The following ARHGAP25 variants were observed in gnomAD, a reference collection of about 807,000 sequenced individuals.
The protein encoded by ARHGAP25 is rho GTPase-activating protein 25.
A neutral mutation model predicts 71.0 loss-of-function variants in ARHGAP25; 34 were observed. The observed-to-expected ratio is 0.48, with a 90% CI of 0.36 to 0.64. The LOEUF is 0.64. ARHGAP25 is among the 30% of genes least tolerant of loss of function. The pLI, the probability that ARHGAP25 is intolerant of heterozygous loss-of-function variation, is 0.00. For synonymous variants in ARHGAP25, 282 were observed against 296.5 expected (o/e 0.95, Z 0.50); for missense variants, 706 against 805.1 (o/e 0.88, Z 1.49).
At chr2:68,713,053 A>G (rs898194094) in intron 2 of ARHGAP25, among the ~76,000 whole-genome samples, 39 of 152,248 alleles carry the variant, frequency 2.6e-4, no homozygotes, top group African/African-American at 7.9e-4. Context: ...AAGAAAGGCA[A>G]TGGTAGCTTG....
At chr2:68,799,636 T>C (rs1278103500) in intron 4 of ARHGAP25, among the ~76,000 whole-genome samples, 3 of 152,218 alleles carry the variant, frequency 2.0e-5, no homozygotes, top group African/African-American at 7.2e-5. Context: ...AATTAGCTGC[T>C]AAGTAAAAGG....
intron 1 of ARHGAP25, among the ~76,000 whole-genome samples, chr2:68,769,646 TACGA>T (rs1677354327): frequency 1.3e-5 from 2 of 152,124 alleles, no homozygotes; most frequent in African/African-American, 2.4e-5. Flanking sequence ...CGACAAAGGC[TACGA>T]TACACAGGTG....
intron 4 of ARHGAP25, among the ~76,000 whole-genome samples, chr2:68,802,878 T>A (rs1680099369): frequency 6.6e-6 from 1 of 151,736 alleles, no homozygotes; most frequent in African/African-American, 2.4e-5. Context: ...ATAAATTATA[T>A]CTATCAATCC....
At chr2:68,752,712 T>C (rs1277121132) in intron 1 of ARHGAP25, among the ~76,000 whole-genome samples, 1 of 148,458 alleles carries the variant, frequency 6.7e-6, no homozygotes, top group Non-Finnish European at 1.5e-5. Context: ...GGAAGGCCTT[T>C]GAACTCTGTT....
chr2:68,748,357 C>A (rs1675960456), intron 1 of ARHGAP25, among the ~76,000 whole-genome samples: 1 of 152,308 alleles, frequency 6.6e-6, no homozygotes, highest in African/African-American at 2.4e-5. Flanking sequence ...CTGTAATTAG[C>A]CCCTGCAAAT....
chr2:68,730,201 A>C (rs1674982440), upstream of ARHGAP25, among the ~76,000 whole-genome samples: 1 of 152,266 alleles, frequency 6.6e-6, no homozygotes, highest in Admixed American at 6.5e-5. Context: ...GTAGAAGGTG[A>C]GGGAGAAGTA....
chr2:68,819,353 G>A (rs1681467983), intron 9 of ARHGAP25, 34 bp downstream of exon 9: 1 of 1,610,310 alleles, frequency 6.2e-7, no homozygotes. Flanking sequence ...CTTCCATTGG[G>A]TTCTTCCTTT....
At chr2:68,787,987 G>A (rs747703289) in intron 4 of ARHGAP25, 31 bp downstream of exon 4, 2 of 1,567,654 alleles carry the variant, frequency 1.3e-6, no homozygotes. Context: ...TCCTGGGCAG[G>A]TGCCTATGAC....
At chr2:68,770,661 A>G (rs1461745735) in intron 1 of ARHGAP25, among the ~76,000 whole-genome samples, 6 of 152,076 alleles carry the variant, frequency 3.9e-5, no homozygotes, top group African/African-American at 1.4e-4. Flanking sequence ...CACTTCTTCT[A>G]TTTCTCTTCT....
chr2:68,826,119 G>A lies in ARHGAP25; in HGVS notation c.1866G>A (p.Glu622=). ...TGGAGCGCTCCCGGGAGGATGTTGA[G>A]AAGAGGAACAAGGCCTTGGAAGAAG... ...RNMERSREDV[E]KRNKALEEEV... Residue 622 remains glutamate (E), a synonymous_variant, in exon 11 of 11, where the codon GAG becomes GAA. Transcript: ENST00000409202. 1 of 1,614,170 alleles carries A rather than the reference G, an allele frequency of 6.2e-7. No individual in the cohort carries two copies. Among genetic ancestry groups the A allele is most frequent in the South Asian group, 1.1e-5 (1 of 91,082 alleles).
intron 4 of ARHGAP25, among the ~76,000 whole-genome samples, chr2:68,805,535 G>A (rs1478242239): frequency 6.6e-6 from 1 of 152,082 alleles, no homozygotes; most frequent in African/African-American, 2.4e-5. Flanking sequence ...TGGCAGTTGG[G>A]AGAGAAGCAG....
intron 1 of ARHGAP25, chr2:68,774,909 C>T (rs1487525475): frequency 7.2e-7 from 1 of 1,381,530 alleles, no homozygotes; most frequent in Non-Finnish European, 9.4e-7. Context: ...ACTTCCTCTT[C>T]AGAAGGCTCC....
chr2:68,713,954 G>A (rs1180357662), intron 2 of ARHGAP25, among the ~76,000 whole-genome samples: 1 of 152,082 alleles, frequency 6.6e-6, no homozygotes, highest in Non-Finnish European at 1.5e-5. Flanking sequence ...TTCTTTTTTT[G>A]TTGTGTCTCT....
At chr2:68,728,590 A>G (rs1357882581) in intron 2 of ARHGAP25, among the ~76,000 whole-genome samples, 1 of 152,206 alleles carries the variant, frequency 6.6e-6, no homozygotes, top group African/African-American at 2.4e-5. Flanking sequence ...AGGGGAAGAT[A>G]ATAGTTTATA....
At chr2:68,799,467 T>C (rs1274316899) in intron 4 of ARHGAP25, among the ~76,000 whole-genome samples, 2 of 152,246 alleles carry the variant, frequency 1.3e-5, no homozygotes, top group Admixed American at 6.5e-5. Context: ...TGTGCAACTC[T>C]GAAAGCATTT....
chr2:68,794,611 A>G (rs1679410313), intron 4 of ARHGAP25, among the ~76,000 whole-genome samples: 1 of 152,200 alleles, frequency 6.6e-6, no homozygotes, highest in Admixed American at 6.5e-5. Flanking sequence ...CATTCCTGAT[A>G]TAAAACTTAT....
intron 1 of ARHGAP25, among the ~76,000 whole-genome samples, chr2:68,761,409 A>T (rs1325941329): frequency 2.0e-5 from 3 of 152,024 alleles, no homozygotes; most frequent in Non-Finnish European, 2.9e-5. Context: ...AAATTTAAAA[A>T]ATTACGTATC....
chr2:68,819,637 A>G (rs1490728922), intron 9 of ARHGAP25: 2 of 570,160 alleles, frequency 3.5e-6, no homozygotes, highest in Non-Finnish European at 6.2e-6. Flanking sequence ...AAAAATGTAT[A>G]CAACATTGTA....
chr2:68,759,647 T>G (rs902579192), intron 1 of ARHGAP25, among the ~76,000 whole-genome samples: 1 of 152,008 alleles, frequency 6.6e-6, no homozygotes, highest in East Asian at 1.9e-4. Context: ...ACCAGTGTGT[T>G]CTACCAAACG....
Sources: allele counts gnomAD v4.1 joint callset (sites outside exome capture counted in the v4.1 genomes callset), GRCh38; gene constraint gnomAD v4.1.1; transcripts MANE v1.5; gene names NCBI Gene and HGNC (gene_info 2026-07-23, HGNC 2026-07-21).